The following CSMD1 variants were observed in gnomAD, a reference collection of about 807,000 sequenced individuals.
The protein encoded by CSMD1 is CUB and Sushi multiple domains 1, also known as CUB and sushi domain-containing protein 1.
In CSMD1, 213 loss-of-function variants were observed where a neutral mutation model predicts 417.5. The ratio of observed to expected loss-of-function variants is 0.51; its 90% CI spans 0.46 to 0.57. The LOEUF (loss-of-function observed/expected upper bound fraction) is 0.57, where lower values mean the gene tolerates loss of function less well. CSMD1 is among the 20% of genes least tolerant of loss of function. The probability of loss-of-function intolerance (pLI) is 0.00; values close to 1 mark genes in which losing one functional copy is unlikely to be tolerated. For synonymous variants in CSMD1, 2,862 were observed against 1,736.8 expected (o/e 1.65, Z -16.11); for missense variants, 6,923 against 4,529.7 (o/e 1.53, Z -15.17).
chr8:3,985,124 G>T (rs1814221257), intron 5 of CSMD1, among the ~76,000 whole-genome samples: 1 of 151,974 alleles, frequency 6.6e-6, no homozygotes, highest in Non-Finnish European at 1.5e-5. Context: ...TTACACCATA[G>T]ATCATGTACT....
At chr8:3,822,736 T>C (rs1801808701) in intron 5 of CSMD1, among the ~76,000 whole-genome samples, 1 of 152,192 alleles carries the variant, frequency 6.6e-6, no homozygotes, top group South Asian at 2.1e-4. Flanking sequence ...GGGTTTTGTT[T>C]GGCACCAAAG....
At chr8:3,410,353 T>A (rs1812608124) in intron 12 of CSMD1, among the ~76,000 whole-genome samples, 1 of 152,162 alleles carries the variant, frequency 6.6e-6, no homozygotes, top group African/African-American at 2.4e-5. Flanking sequence ...CTCGCACACA[T>A]GGGGCTGGAT....
At chr8:4,332,769 G>C (rs1244273242) in intron 3 of CSMD1, among the ~76,000 whole-genome samples, 1 of 152,030 alleles carries the variant, frequency 6.6e-6, no homozygotes, top group Admixed American at 6.6e-5. Flanking sequence ...GGCATGTGAT[G>C]AATGTTCAAA....
intron 3 of CSMD1, among the ~76,000 whole-genome samples, chr8:4,402,800 C>CTTTTTTTTTTTTTTTTTT (rs60965667): frequency 1.1e-4 from 10 of 89,368 alleles, no homozygotes; most frequent in African/African-American, 1.6e-4. Flanking sequence ...TCACTTTTTT[C>CTTTTTTTTTTTTTTTTTT]TTTTTTTTTT....
chr8:4,264,602 G>T (rs1804116191), intron 3 of CSMD1, among the ~76,000 whole-genome samples: 1 of 152,094 alleles, frequency 6.6e-6, no homozygotes, highest in African/African-American at 2.4e-5. Context: ...GCGTTCTAGG[G>T]TAGATAGCAG....
chr8:3,846,159 A>G (rs1803486600), intron 5 of CSMD1, among the ~76,000 whole-genome samples: 1 of 152,208 alleles, frequency 6.6e-6, no homozygotes, highest in Non-Finnish European at 1.5e-5. Context: ...ATCAAGCATT[A>G]TGCATGGTAC....
intron 23 of CSMD1, among the ~76,000 whole-genome samples, chr8:3,336,819 C>T (rs773221181): frequency 2.0e-5 from 3 of 152,046 alleles, no homozygotes; most frequent in Non-Finnish European, 2.9e-5. Context: ...AGGCACAGCT[C>T]CTGTCTAATT....
intron 30 of CSMD1, 100 bp downstream of exon 30, chr8:3,214,397 T>A (rs1797778300): frequency 3.0e-6 from 3 of 998,090 alleles, no homozygotes; most frequent in African/African-American, 3.3e-5. Flanking sequence ...TCACCACCGA[T>A]GAGAGGAATA....
intron 15 of CSMD1, among the ~76,000 whole-genome samples, chr8:3,404,146 C>G (rs1479279256): frequency 6.6e-6 from 1 of 151,978 alleles, no homozygotes; most frequent in Non-Finnish European, 1.5e-5. Flanking sequence ...CCAGCCTGGC[C>G]AACATGTTGA....
chr8:4,962,316 G>C (rs983770263), intron 1 of CSMD1, among the ~76,000 whole-genome samples: 1 of 151,922 alleles, frequency 6.6e-6, no homozygotes, highest in Admixed American at 6.6e-5. Flanking sequence ...TCTCAAAAGA[G>C]CTTCCCATCT....
intron 7 of CSMD1, among the ~76,000 whole-genome samples, chr8:3,628,814 A>T (rs560330363): frequency 1.3e-5 from 2 of 152,302 alleles, no homozygotes; most frequent in African/African-American, 2.4e-5. Flanking sequence ...TGTCCGAGCC[A>T]AGAACTCTCA....
intron 5 of CSMD1, among the ~76,000 whole-genome samples, chr8:3,840,450 C>T (rs1803054407): frequency 6.6e-6 from 1 of 152,060 alleles, no homozygotes; most frequent in Non-Finnish European, 1.5e-5. Flanking sequence ...GCAAGAGTAC[C>T]TCTTGCCCTG....
chr8:3,917,316 C>T (rs545602862), intron 5 of CSMD1, among the ~76,000 whole-genome samples: 1 of 152,214 alleles, frequency 6.6e-6, no homozygotes, highest in East Asian at 1.9e-4. Flanking sequence ...GTAGCAGACT[C>T]AGGAGTGAAT....
chr8:4,175,909 C>G (rs1018515004), intron 3 of CSMD1, among the ~76,000 whole-genome samples: 4 of 152,118 alleles, frequency 2.6e-5, no homozygotes, highest in African/African-American at 7.2e-5. Context: ...CTAATTACCA[C>G]TTTTCTGTGT....
intron 17 of CSMD1, among the ~76,000 whole-genome samples, chr8:3,393,200 G>A (rs1309284297): frequency 3.3e-5 from 5 of 152,162 alleles, no homozygotes; most frequent in African/African-American, 1.2e-4. Flanking sequence ...TTCACTATAT[G>A]CAAGTCTAGA....
At chr8:4,415,578 T>A (rs1290475649) in intron 3 of CSMD1, among the ~76,000 whole-genome samples, 1 of 152,220 alleles carries the variant, frequency 6.6e-6, no homozygotes, top group Non-Finnish European at 1.5e-5. Flanking sequence ...ACACCAGTGT[T>A]CTGTTTGATT....
intron 54 of CSMD1, among the ~76,000 whole-genome samples, chr8:2,980,463 T>C (rs1050711891): frequency 2.6e-5 from 4 of 151,934 alleles, no homozygotes; most frequent in African/African-American, 7.3e-5. Context: ...ATCCCTCTCT[T>C]CCTTCTCTTT....
rs1332915092 is a variant in CSMD1, at chr8:4,908,767, G to A, written c.85+85565C>T. On this transcript the variant is annotated intron_variant, in intron 1 of 69. Coordinates refer to ENST00000635120, the MANE Select transcript of CSMD1 (RefSeq NM_033225.6). ...TCATTTTGATGCTTAGAGTTTTCAT[G>A]TTTCTGCTTGCATAGCTTATCTGCT... Among the ~76,000 whole-genome samples, 12 of 151,604 alleles carry A rather than the reference G, an allele frequency of 7.9e-5. 1 individual carries two copies. The East Asian group carries it at 1.2e-3, about 15-fold the overall frequency.
intron 51 of CSMD1, among the ~76,000 whole-genome samples, chr8:3,024,297 G>T (rs6994050): frequency 0.043 from 5,948 of 138,316 alleles, 379 homozygotes; most frequent in African/African-American, 0.17. Context: ...GGTTTTTTTT[G>T]GGGGGGGAGG....
Sources: allele counts gnomAD v4.1 joint callset (sites outside exome capture counted in the v4.1 genomes callset), GRCh38; gene constraint gnomAD v4.1.1; transcripts MANE v1.5; gene names NCBI Gene and HGNC (gene_info 2026-07-23, HGNC 2026-07-21).